CUL2: variants seen among roughly 807,000 people sequenced by gnomAD.
CUL2 encodes cullin 2.
Under a neutral mutation model 110.2 loss-of-function variants are expected in CUL2, and 22 were observed. The ratio of observed to expected loss-of-function variants is 0.20; its 90% confidence interval spans 0.14 to 0.28. The LOEUF is 0.28. Ranked by LOEUF, CUL2 falls within the 10% of genes least tolerant of loss-of-function variation. CUL2 has a pLI of 1.00. For missense variants in CUL2, 631 were observed against 905.5 expected (o/e 0.70, Z 3.89); for synonymous variants, 279 against 293.2 (o/e 0.95, Z 0.49).
intron 1 of CUL2, among the ~76,000 whole-genome samples, chr10:35,105,400 T>C (rs540003491): frequency 6.6e-6 from 1 of 150,550 alleles, no homozygotes; most frequent in Admixed American, 6.6e-5. Context: ...CACTCCAGCC[T>C]GGGCGACAGG....
At position 35,008,556 on chromosome 10, in the gene CUL2, T is replaced by C. The variant is rs925403782; in HGVS notation, c.*1755A>G. 2.0e-5 allele frequency: 3 copies of C among 152,210 alleles called. No homozygotes were observed. The highest frequency in any genetic ancestry group is 6.6e-5 in the Admixed American group (1 of 15,260). 9.4% of individuals were successfully genotyped at this position (152,210 alleles called of 1,614,324 possible). A position where few individuals can be genotyped will look rare whatever the true frequency, so the allele number is the denominator to read the frequency against. Reference sequence around the variant, plus strand: ...ATATTTAAGAAAAAAAGGAATCAATTTGGAAAACTTTTATCAATCAACAAG... The same window carrying C: ...ATATTTAAGAAAAAAAGGAATCAATCTGGAAAACTTTTATCAATCAACAAG... On this transcript the variant is annotated 3_prime_UTR_variant, in exon 21 of 21. Coordinates refer to ENST00000374749, the MANE Select transcript of CUL2 (RefSeq NM_003591.4).
chr10:35,080,166 C>T (rs951333000), intron 1 of CUL2, among the ~76,000 whole-genome samples: 8 of 152,140 alleles, frequency 5.3e-5, no homozygotes, highest in African/African-American at 1.9e-4. Context: ...TTTTCCATTT[C>T]CATAGGTGGG....
chr10:35,040,785 T>C (rs2085764909), intron 8 of CUL2, among the ~76,000 whole-genome samples: 2 of 152,134 alleles, frequency 1.3e-5, no homozygotes, highest in African/African-American at 4.8e-5. Context: ...CCACCTCAGA[T>C]CCTCAGGCAT....
intron 1 of CUL2, among the ~76,000 whole-genome samples, chr10:35,106,677 T>C (rs2087461701): frequency 6.6e-6 from 1 of 152,052 alleles, no homozygotes; most frequent in South Asian, 2.1e-4. Flanking sequence ...CATTTTGTTA[T>C]GGCAGCCCAA....
Position 35,031,165 on chromosome 10 carries a change from C to A in CUL2, c.1386+135G>T. On this transcript the variant is annotated intron_variant, in intron 14 of 20. Coordinates refer to ENST00000374749, the MANE Select transcript of CUL2 (RefSeq NM_003591.4). This position sits in a 1 kb window ranked among gnomAD's most constrained non-coding sequence, Gnocchi z 4.4. The stretch of plus-strand genomic sequence containing the variant: ...CCTTTTAATACAGTATTTGTATATC[C>A]CACTGTGTGACTACACAAATACACA... 5.2e-6 allele frequency: 3 copies of A among 572,082 alleles called. No individual in the cohort carries two copies. Among genetic ancestry groups the A allele is most frequent in the South Asian group, 2.6e-5 (1 of 37,874 alleles). The allele number at this position is 572,082 out of a possible 1,614,324, so 35.4% of individuals were successfully genotyped here. A position where few individuals can be genotyped will look rare whatever the true frequency, so the allele number is the denominator to read the frequency against.
chr10:35,035,056 C>G (rs1276990190), intron 10 of CUL2, 116 bp downstream of exon 10: 3 of 1,216,460 alleles, frequency 2.5e-6, no homozygotes. Flanking sequence ...AAAGACATTT[C>G]TTTCGTTGGC....
At chr10:35,077,908 A>C (rs1244217690) in intron 1 of CUL2, among the ~76,000 whole-genome samples, 1 of 152,092 alleles carries the variant, frequency 6.6e-6, no homozygotes, top group African/African-American at 2.4e-5. Context: ...CTTCACAATT[A>C]AACAGCTTGC....
rs1419277397 is a variant in CUL2 at position 35,110,437 on chromosome 10, C to T, written c.-50-9377G>A. The stretch of plus-strand genomic sequence containing the variant: ...AAAATTAGCTGGGTGTGGTGGTGCA[C>T]GCCTATAGTCCCAGATACTCTGGAG... On this transcript the variant is annotated intron_variant, in intron 1 of 5. Transcript: ENST00000685421. 2.6e-5 allele frequency among the ~76,000 whole-genome samples: 4 copies of T among 152,010 alleles called. No homozygotes were observed. The East Asian group carries it at 5.8e-4, about 22-fold the overall frequency.
At chr10:35,114,129 A>C (rs1431207607) in intron 1 of CUL2, among the ~76,000 whole-genome samples, 1 of 149,884 alleles carries the variant, frequency 6.7e-6, no homozygotes, top group African/African-American at 2.5e-5. Flanking sequence ...TCACTGTGTT[A>C]GCCAGGATGG....
chr10:35,063,430 A>G (rs1292644460), intron 2 of CUL2, among the ~76,000 whole-genome samples: 3 of 152,204 alleles, frequency 2.0e-5, no homozygotes, highest in Non-Finnish European at 4.4e-5. Context: ...TGATATTAGT[A>G]TTCATAGTAT....
At chr10:35,121,086 A>G (rs2087672477) in intron 1 of CUL2, among the ~76,000 whole-genome samples, 2 of 152,164 alleles carry the variant, frequency 1.3e-5, no homozygotes, top group African/African-American at 4.8e-5. Flanking sequence ...CCATGTTGGG[A>G]GCTACTTAAC....
chr10:35,103,513 C>T (rs1416595508), intron 1 of CUL2, among the ~76,000 whole-genome samples: 5 of 151,608 alleles, frequency 3.3e-5, no homozygotes, highest in African/African-American at 9.7e-5. Flanking sequence ...TTAGTAGAGA[C>T]GGGGTTTCAC....
Position 35,028,879 on chromosome 10 carries a change from C to T in CUL2, c.1548G>A (p.Ala516=), listed in dbSNP as rs772300559. The T allele has an allele frequency of 5.2e-5, 83 of 1,605,478 alleles. No individual in the cohort carries two copies. The highest frequency in any genetic ancestry group is 2.2e-4 in the Admixed American group (13 of 59,714). The change falls in exon 16 of 21, where the codon GCG becomes GCA. Residue 516 remains alanine, a synonymous_variant. Transcript: ENST00000374749. ...SFQIYVLQAG[A]WPLTQAPSST... Reference sequence around the variant, plus strand: ...ATGAAGGAGCCTGAGTAAGAGGCCACGCACCAGCCTAGAAGGAAAAAAATA... The same window carrying T: ...ATGAAGGAGCCTGAGTAAGAGGCCATGCACCAGCCTAGAAGGAAAAAAATA...
intron 1 of CUL2, among the ~76,000 whole-genome samples, chr10:35,074,758 A>G (rs997680091): frequency 3.3e-5 from 5 of 152,182 alleles, no homozygotes; most frequent in Admixed American, 2.6e-4. Flanking sequence ...AAGTGCTGGG[A>G]TTATAGGTGT....
intron 1 of CUL2, among the ~76,000 whole-genome samples, chr10:35,085,151 G>A (rs2087029657): frequency 6.6e-6 from 1 of 151,102 alleles, no homozygotes; most frequent in Non-Finnish European, 1.5e-5. Context: ...ATAACTGGCT[G>A]GGTGTGGTGG....
At chr10:35,090,110 C>CA (rs1356249405) in intron 1 of CUL2, 69 bp downstream of exon 1, 6 of 152,484 alleles carry the variant, frequency 3.9e-5, no homozygotes, top group Admixed American at 3.3e-4. Flanking sequence ...CCAGCCCCGC[C>CA]ACCCATTAAC....
At chr10:35,032,799 CG>C (rs1343470021) in intron 11 of CUL2, among the ~76,000 whole-genome samples, 1 of 151,802 alleles carries the variant, frequency 6.6e-6, no homozygotes, top group Non-Finnish European at 1.5e-5. Context: ...TTTCCTTTAA[CG>C]TATGCAAAAG....
chr10:35,047,901 G>T (rs2085989776), intron 6 of CUL2, among the ~76,000 whole-genome samples: 1 of 150,882 alleles, frequency 6.6e-6, no homozygotes, highest in Non-Finnish European at 1.5e-5. Context: ...TGGGAATCCT[G>T]TCTCAAAAAA....
chr10:35,054,423 G>C lies in CUL2; in HGVS notation c.423+11C>G. On this transcript the variant is annotated intron_variant, in intron 5 of 20. Transcript: ENST00000374749. ...TACTTATGTTTGCTAGTCACTTAAA[G>C]AATGTCCTACCTCTCCTATTTCCAT... 1 of 1,424,402 alleles carries C rather than the reference G, an allele frequency of 7.0e-7. No homozygotes were observed. Among genetic ancestry groups the C allele is most frequent in the Non-Finnish European group, 9.7e-7 (1 of 1,031,108 alleles). 88.2% of individuals were successfully genotyped at this position (1,424,402 alleles called of 1,614,324 possible).
Sources: gnomAD v4.1 joint callset for allele counts (sites outside exome capture counted in the v4.1 genomes callset) on GRCh38, gnomAD v4.1.1 for gene constraint, Gnocchi (gnomAD v3.1) non-coding constraint, MANE v1.5 for transcripts, NCBI Gene and HGNC (gene_info 2026-07-23, HGNC 2026-07-21) for gene names.